RABGAP1L: variants seen among roughly 807,000 people sequenced by gnomAD.
The protein encoded by RABGAP1L is RAB GTPase activating protein 1 like.
Under a neutral mutation model 137.7 loss-of-function variants are expected in RABGAP1L, and 63 were observed. The observed-to-expected ratio is 0.46, with a 90% CI of 0.37 to 0.56. The LOEUF is 0.56. RABGAP1L is among the 20% of genes least tolerant of loss of function. RABGAP1L has a pLI of 0.00. For missense variants in RABGAP1L, 1,095 were observed against 1,244.0 expected (o/e 0.88, Z 1.80); for synonymous variants, 431 against 433.7 (o/e 0.99, Z 0.08).
chr1:174,207,713 TC>T, intron 1 of RABGAP1L, among the ~76,000 whole-genome samples: 1 of 152,204 alleles, frequency 6.6e-6, no homozygotes, highest in Non-Finnish European at 1.5e-5. Flanking sequence ...ATAGACTTGG[TC>T]CCTGCCCATG....
At chr1:174,912,254 GC>G (rs1457705539) in intron 19 of RABGAP1L, among the ~76,000 whole-genome samples, 1 of 152,086 alleles carries the variant, frequency 6.6e-6, no homozygotes, top group Non-Finnish European at 1.5e-5. Flanking sequence ...CAATCCTCCT[GC>G]CTCAGCCTTC....
At chr1:174,214,736 G>A (rs1669154723) in intron 1 of RABGAP1L, among the ~76,000 whole-genome samples, 2 of 152,166 alleles carry the variant, frequency 1.3e-5, no homozygotes, top group Non-Finnish European at 2.9e-5. Context: ...TAACACTGGG[G>A]AAAGGACAGT....
intron 20 of RABGAP1L, chr1:174,964,872 A>G: frequency 6.9e-7 from 1 of 1,456,982 alleles, no homozygotes; most frequent in Non-Finnish European, 9.1e-7. Flanking sequence ...TGTTTTTGTT[A>G]TTGCCATTTC....
chr1:174,677,347 A>G (rs1462708512), intron 14 of RABGAP1L, among the ~76,000 whole-genome samples: 3 of 152,188 alleles, frequency 2.0e-5, no homozygotes, highest in African/African-American at 7.2e-5. Context: ...TAGAACTTAT[A>G]ATAAACCATT....
chr1:174,535,614 C>T (rs896194145), intron 13 of RABGAP1L, among the ~76,000 whole-genome samples: 5 of 152,126 alleles, frequency 3.3e-5, no homozygotes, highest in African/African-American at 1.2e-4. Flanking sequence ...AATTTACAGC[C>T]CTTCATTTCC....
intron 18 of RABGAP1L, among the ~76,000 whole-genome samples, chr1:174,794,904 A>G (rs1169153944): frequency 1.3e-5 from 2 of 152,172 alleles, no homozygotes; most frequent in Non-Finnish European, 1.5e-5. Context: ...TGTTACATTC[A>G]GTTTTCTTAA....
At chr1:174,519,786 A>G (rs947716718) in intron 13 of RABGAP1L, among the ~76,000 whole-genome samples, 3 of 152,174 alleles carry the variant, frequency 2.0e-5, no homozygotes, top group African/African-American at 7.2e-5. Context: ...TTACATTTTA[A>G]TTAATTATCA....
In RABGAP1L at chr1:174,637,373, A is replaced by G; in HGVS notation, c.1711-2A>G. 2 of 1,593,872 alleles carry G rather than the reference A, an allele frequency of 1.3e-6. No homozygotes were observed. The highest frequency in any genetic ancestry group is 1.7e-6 in the Non-Finnish European group (2 of 1,164,578). ...ACCAGGTCTATTTTCTTTCTTTTTTAGGACTCAGCCCAGGAGAGTGTTATT... is the reference window on the plus strand; with the variant it reads ...ACCAGGTCTATTTTCTTTCTTTTTTGGGACTCAGCCCAGGAGAGTGTTATT... On this transcript the variant is annotated splice_acceptor_variant, in intron 13 of 25. Transcript: ENST00000681986. LOFTEE classifies it high-confidence loss of function.
rs960795920 is a variant in RABGAP1L, at chr1:174,994,089, T to G, written c.*4088T>G. On this transcript the variant is annotated 3_prime_UTR_variant, in exon 26 of 26. Coordinates refer to ENST00000681986, the MANE Select transcript of RABGAP1L (RefSeq NM_001366446.1). Reference sequence around the variant, plus strand: ...GATATAAAACTCTTTCTCGTCGCCATGCTGATAGTCACACTGAACTAGAAC... The same window carrying G: ...GATATAAAACTCTTTCTCGTCGCCAGGCTGATAGTCACACTGAACTAGAAC... 6.6e-6 allele frequency: 1 copy of G among 152,262 alleles called. No homozygotes were observed. The highest frequency in any genetic ancestry group is 6.5e-5 in the Admixed American group (1 of 15,286). 9.4% of individuals were successfully genotyped at this position (152,262 alleles called of 1,614,324 possible). A position where few individuals can be genotyped will look rare whatever the true frequency, so the allele number is the denominator to read the frequency against.
intron 11 of RABGAP1L, among the ~76,000 whole-genome samples, chr1:174,310,269 T>C (rs1678702093): frequency 6.6e-6 from 1 of 152,144 alleles, no homozygotes. Flanking sequence ...TCCGAAGCTT[T>C]TTCTGTTATT....
At chr1:174,946,932 ATATATATATGTGTG>A (rs1158525343) in intron 19 of RABGAP1L, among the ~76,000 whole-genome samples, 2 of 71,800 alleles carry the variant, frequency 2.8e-5, no homozygotes, top group Admixed American at 1.4e-4. Flanking sequence ...ATATATATAT[ATATATATATGTGTG>A]TGTGTGTGTG....
intron 17 of RABGAP1L, among the ~76,000 whole-genome samples, chr1:174,712,595 C>T (rs1680644133): frequency 6.6e-6 from 1 of 152,208 alleles, no homozygotes; most frequent in African/African-American, 2.4e-5. Flanking sequence ...TCTGCGGCTT[C>T]ATTCTTGAAG....
intron 13 of RABGAP1L, among the ~76,000 whole-genome samples, chr1:174,625,090 T>C (rs527595497): frequency 2.0e-5 from 3 of 152,048 alleles, no homozygotes; most frequent in Non-Finnish European, 4.4e-5. Context: ...GCCAGGCTGG[T>C]CTTCAACTCC....
chr1:174,547,121 GT>G (rs1666083154), intron 13 of RABGAP1L, among the ~76,000 whole-genome samples: 1 of 149,476 alleles, frequency 6.7e-6, no homozygotes, highest in Non-Finnish European at 1.5e-5. Flanking sequence ...TTAAAACTGA[GT>G]TTTGACATAG....
intron 13 of RABGAP1L, among the ~76,000 whole-genome samples, chr1:174,573,134 CTATT>C (rs1271558010): frequency 6.6e-6 from 1 of 151,434 alleles, no homozygotes; most frequent in Admixed American, 6.6e-5. Context: ...TATGTATACA[CTATT>C]TATGTGTGTA....
intron 11 of RABGAP1L, among the ~76,000 whole-genome samples, chr1:174,327,911 G>T (rs770866730): frequency 7.0e-6 from 1 of 143,158 alleles, no homozygotes; most frequent in South Asian, 2.2e-4. Context: ...GGGCCATTAT[G>T]TAATGTTAAA....
chr1:174,763,226 G>A (rs1027183606), intron 18 of RABGAP1L, among the ~76,000 whole-genome samples: 2 of 152,016 alleles, frequency 1.3e-5, no homozygotes, highest in Non-Finnish European at 2.9e-5. Context: ...CTTTAAAAAT[G>A]TACAATTAGT....
chr1:174,800,145 T>A (rs1473374003), intron 18 of RABGAP1L: 1 of 1,392,000 alleles, frequency 7.2e-7, no homozygotes, highest in East Asian at 2.7e-5. Flanking sequence ...CAGTCTACTT[T>A]GGGGTTCTCG....
intron 19 of RABGAP1L, chr1:174,935,295 G>GT (rs548836214): frequency 2.6e-5 from 4 of 152,018 alleles, no homozygotes; most frequent in Non-Finnish European, 4.4e-5. Context: ...TTTGAGTTCT[G>GT]TTTTTTCTGA....
Sources: gnomAD v4.1 joint callset for allele counts (sites outside exome capture counted in the v4.1 genomes callset) on GRCh38, gnomAD v4.1.1 for gene constraint, MANE v1.5 for transcripts, NCBI Gene and HGNC (gene_info 2026-07-23, HGNC 2026-07-21) for gene names.